The following CLEC4A variants were observed in gnomAD, a reference collection of about 807,000 sequenced individuals.
CLEC4A encodes the protein C-type (calcium dependent, carbohydrate-recognition domain) lectin, superfamily member 6.
Under a neutral mutation model 32.7 loss-of-function variants are expected in CLEC4A, and 27 were observed. The observed-to-expected ratio is 0.83, with a 90% CI of 0.61 to 1.14. The LOEUF is 1.14. Among genes scored for constraint, CLEC4A ranks in the 50% most tolerant of loss-of-function variants. The probability of loss-of-function intolerance (pLI) is 0.00; values close to 1 mark genes in which losing one functional copy is unlikely to be tolerated. For synonymous variants in CLEC4A, 89 were observed against 93.7 expected (o/e 0.95, Z 0.29); for missense variants, 253 against 274.6 (o/e 0.92, Z 0.55).
intron 3 of CLEC4A, chr12:8,134,560 C>T (rs1948058911): frequency 3.7e-6 from 6 of 1,613,580 alleles, no homozygotes; most frequent in South Asian, 1.1e-5. Flanking sequence ...ACTCCTGCTT[C>T]GCCCTCAGGC....
the CLEC4A span, among the ~76,000 whole-genome samples, chr12:8,116,010 C>T: frequency 0.99 from 151,089 of 152,176 alleles, 75,009 homozygotes; most frequent in Middle Eastern, 1. Context: ...TCACCCAGAC[C>T]GGAGTGCAGG....
At chr12:8,121,254 A>G (rs765209237), upstream of CLEC4A, 2 of 152,332 alleles carry the variant, frequency 1.3e-5, no homozygotes, top group East Asian at 3.9e-4. Flanking sequence ...ATGAGCTTAG[A>G]TTGTAAAGAC....
At chr12:8,137,821 A>T (rs1249816892) in intron 5 of CLEC4A, among the ~76,000 whole-genome samples, 1 of 152,214 alleles carries the variant, frequency 6.6e-6, no homozygotes, top group Non-Finnish European at 1.5e-5. Context: ...TTTTCATCAT[A>T]CAAGGACACC....
At chr12:8,112,469 CTATTT>C in the CLEC4A span, among the ~76,000 whole-genome samples, 1 of 152,098 alleles carries the variant, frequency 6.6e-6, no homozygotes, top group Non-Finnish European at 1.5e-5. Flanking sequence ...GTTTGTTTCT[CTATTT>C]TGTCAACAGT....
the CLEC4A span, among the ~76,000 whole-genome samples, chr12:8,116,794 C>T: frequency 2.0e-5 from 3 of 152,130 alleles, no homozygotes; most frequent in African/African-American, 7.2e-5. Context: ...AGGGTGACTT[C>T]AGGCTCTCAC....
At chr12:8,120,826 T>C (rs1470020837), upstream of CLEC4A, 1 of 152,238 alleles carries the variant, frequency 6.6e-6, no homozygotes, top group East Asian at 1.9e-4. Context: ...ATGTCTGTGT[T>C]CTCCTTTGTG....
chr12:8,119,080 A>G (rs1276297545), upstream of CLEC4A, among the ~76,000 whole-genome samples: 1 of 152,254 alleles, frequency 6.6e-6, no homozygotes, highest in African/African-American at 2.4e-5. Context: ...TGTTGTTAAC[A>G]ACACTAATGG....
At chr12:8,110,448 C>A in the CLEC4A span, among the ~76,000 whole-genome samples, 4 of 152,178 alleles carry the variant, frequency 2.6e-5, no homozygotes, top group Non-Finnish European at 2.9e-5. Flanking sequence ...CCAGACCGAT[C>A]TAATTATATG....
rs1948158352 is a variant in CLEC4A, at chr12:8,138,122, C to T, written c.567-18C>T. 1 of 1,611,866 alleles carries T rather than the reference C, an allele frequency of 6.2e-7. No individual in the cohort carries two copies. Among genetic ancestry groups the T allele is most frequent in the Non-Finnish European group, 8.5e-7 (1 of 1,178,842 alleles). On this transcript the variant is annotated intron_variant, in intron 5 of 5. Transcript: ENST00000229332. ...GCTCTGTTTGAAGAAATGCCCTCAT[C>T]CTTTTTGTCGCTTTCAGATTCTGGC...
the CLEC4A span, among the ~76,000 whole-genome samples, chr12:8,105,038 C>T: frequency 5.9e-5 from 9 of 152,072 alleles, no homozygotes; most frequent in East Asian, 1.9e-4. Context: ...AGTGAACATA[C>T]GTATGCGGCA....
chr12:8,137,229 T>G (rs927617545), intron 5 of CLEC4A, among the ~76,000 whole-genome samples: 1 of 152,182 alleles, frequency 6.6e-6, no homozygotes, highest in African/African-American at 2.4e-5. Context: ...CTCTACATAG[T>G]GAAAACCCAT....
chr12:8,108,202 A>C, the CLEC4A span, among the ~76,000 whole-genome samples: 1 of 152,130 alleles, frequency 6.6e-6, no homozygotes, highest in Non-Finnish European at 1.5e-5. Context: ...TTTTGAGTGA[A>C]GAAAATCTCA....
chr12:8,105,912 T>C, the CLEC4A span, among the ~76,000 whole-genome samples: 1 of 152,222 alleles, frequency 6.6e-6, no homozygotes, highest in African/African-American at 2.4e-5. Context: ...TTTGTCAGTT[T>C]TTGTTTTTGT....
At chr12:8,126,695 C>A (rs2120577002) in intron 2 of CLEC4A, among the ~76,000 whole-genome samples, 1 of 152,116 alleles carries the variant, frequency 6.6e-6, no homozygotes. Context: ...ATAAAATGAA[C>A]CAGTGGTTAT....
chr12:8,110,616 A>G, the CLEC4A span, among the ~76,000 whole-genome samples: 1 of 152,210 alleles, frequency 6.6e-6, no homozygotes, highest in African/African-American at 2.4e-5. Context: ...TGCACAGTGT[A>G]TAACGGGGTC....
intron 3 of CLEC4A, chr12:8,134,234 C>G (rs1340512612): frequency 1.2e-6 from 2 of 1,612,072 alleles, no homozygotes; most frequent in Non-Finnish European, 1.7e-6. Context: ...TTCCTCCACC[C>G]ACTTCTGCAG....
intron 3 of CLEC4A, chr12:8,134,566 C>G: frequency 6.2e-7 from 1 of 1,613,542 alleles, no homozygotes; most frequent in African/African-American, 1.3e-5. Context: ...GCTTCGCCCT[C>G]AGGCTGAGAG....
upstream of CLEC4A, among the ~76,000 whole-genome samples, chr12:8,120,145 G>T (rs775619245): frequency 8.5e-5 from 13 of 152,270 alleles, no homozygotes; most frequent in Non-Finnish European, 1.2e-4. Context: ...TCAGTGCCCA[G>T]AGTTTTTACT....
intron 2 of CLEC4A, among the ~76,000 whole-genome samples, chr12:8,126,447 T>G (rs1171899570): frequency 6.6e-6 from 1 of 150,708 alleles, no homozygotes; most frequent in East Asian, 2.0e-4. Flanking sequence ...CCTGAACTCC[T>G]GGGCTCAAGC....
Sources: allele counts gnomAD v4.1 joint callset (sites outside exome capture counted in the v4.1 genomes callset), GRCh38; gene constraint gnomAD v4.1.1; transcripts MANE v1.5; gene names NCBI Gene and HGNC (gene_info 2026-07-23, HGNC 2026-07-21).